The following ARHGEF40 variants were observed in gnomAD, a reference collection of about 807,000 sequenced individuals.
The protein encoded by ARHGEF40 is Rho guanine nucleotide exchange factor 40.
Under a neutral mutation model 165.9 loss-of-function variants are expected in ARHGEF40, and 98 were observed. The ratio of observed to expected loss-of-function variants is 0.59; its 90% confidence interval spans 0.50 to 0.70. The LOEUF (loss-of-function observed/expected upper bound fraction) is 0.70, where lower values mean the gene tolerates loss of function less well. ARHGEF40 is among the 30% of genes least tolerant of loss of function. ARHGEF40 has a pLI of 0.00. For missense variants in ARHGEF40, 1,815 were observed against 1,968.0 expected, an observed-to-expected ratio of 0.92 and a Z score of 1.47; for synonymous variants, 792 against 814.3, an observed-to-expected ratio of 0.97 and a Z score of 0.47.
chr14:21,067,235 C>T (rs976311749), upstream of ARHGEF40, among the ~76,000 whole-genome samples: 7 of 151,868 alleles, frequency 4.6e-5, no homozygotes, highest in African/African-American at 1.2e-4. Context: ...GAAATGTCTT[C>T]GGAATTATTT....
Position 21,088,821 on chromosome 14 carries a change from T to C in ARHGEF40, c.4519-9T>C. On this transcript the variant is annotated splice_polypyrimidine_tract_variant and intron_variant, in intron 22 of 23. Transcript: ENST00000298694. The stretch of plus-strand genomic sequence containing the variant: ...GTCCCTAAATTCACTGTAGCTTCTC[T>C]CCCCCCAGAGTCATGCTCGAGCCCT... The C allele has an allele frequency of 1.9e-6, 3 of 1,605,024 alleles. No homozygotes were observed. The highest frequency in any genetic ancestry group is 1.7e-6 in the Non-Finnish European group (2 of 1,174,518).
chr14:21,088,772 AAGAG>A (rs1352356917), intron 22 of ARHGEF40, 54 bp from the exon 23 acceptor site: 23 of 1,550,100 alleles, frequency 1.5e-5, no homozygotes, highest in African/African-American at 2.8e-5. Context: ...AATGGAGGAA[AAGAG>A]AGAGAAAGAC....
chr14:21,084,641 C>T, intron 17 of ARHGEF40, 112 bp from the exon 18 acceptor site: 1 of 1,218,444 alleles, frequency 8.2e-7, no homozygotes, highest in Non-Finnish European at 1.1e-6. Flanking sequence ...CTTCCTGACT[C>T]TACCTGAGAA....
Position 21,088,804 on chromosome 14 carries a change from A to T in ARHGEF40, c.4519-26A>T, listed in dbSNP as rs201303935. The T allele has an allele frequency of 6.2e-7, 1 of 1,603,078 alleles. No homozygotes were observed. Among genetic ancestry groups the T allele is most frequent in the Non-Finnish European group, 8.5e-7 (1 of 1,172,976 alleles). ...AGAAAGACAAGAAATATGTCCCTAA[A>T]TTCACTGTAGCTTCTCTCCCCCCAG... On this transcript the variant is annotated intron_variant, in intron 22 of 23. Coordinates refer to ENST00000298694, the MANE Select transcript of ARHGEF40 (RefSeq NM_018071.5).
chr14:21,070,296 C>T, upstream of ARHGEF40: 1 of 1,316,336 alleles, frequency 7.6e-7, no homozygotes, highest in South Asian at 1.7e-5. This position sits in a 1 kb window ranked among gnomAD's most constrained non-coding sequence, Gnocchi z 4.7. Flanking sequence ...CGGAGCTGTC[C>T]CTTAGCCAGA....
rs1887018994 is a variant in ARHGEF40 at position 21,072,374 on chromosome 14, G to GT, written c.4-670dup. 6.6e-6 allele frequency among the ~76,000 whole-genome samples: 1 copy of GT among 152,112 alleles called. No homozygotes were observed. Among genetic ancestry groups the GT allele is most frequent in the Non-Finnish European group, 1.5e-5 (1 of 68,028 alleles). The stretch of plus-strand genomic sequence containing the variant: ...TTCAACTGCCCCCACCCGATTCTTT[G>GT]TAATCCAATCCCACATGCTCTAAGA... On this transcript the variant is annotated intron_variant, in intron 1 of 23. Coordinates refer to ENST00000298694, the MANE Select transcript of ARHGEF40 (RefSeq NM_018071.5). This position sits in a 1 kb window ranked among gnomAD's most constrained non-coding sequence, Gnocchi z 4.1.
At chr14:21,080,336 A>G (rs1490531986) in intron 11 of ARHGEF40, among the ~76,000 whole-genome samples, 1 of 151,534 alleles carries the variant, frequency 6.6e-6, no homozygotes, top group Non-Finnish European at 1.5e-5. Flanking sequence ...AGTCATCCCT[A>G]TGACCCTCAT....
At position 21,086,274 on chromosome 14, in the gene ARHGEF40, G is replaced by A. The variant is rs537540700; in HGVS notation, c.4138+408G>A. The A allele has an allele frequency of 7.6e-5, 14 of 183,348 alleles. 1 individual carries two copies. The South Asian group carries it at 1.3e-3, about 17-fold the overall frequency. The allele number at this position is 183,348 out of a possible 1,614,324, so 11.4% of individuals were successfully genotyped here. On this transcript the variant is annotated intron_variant, in intron 19 of 23. Transcript: ENST00000298694. ...CACCTATAGTCCTAGCTATTTGAGG[G>A]GTGAGGTAGGAGGATCGCTTGAGCC...
In ARHGEF40 at chr14:21,074,333, G is replaced by C; in HGVS notation, c.603G>C (p.Leu201=). ...GLMVGHQPST[L]PPELPSGPPG... ...TGGTTGGACATCAGCCAAGTACACTGCCCCCAGAACTGCCCTCTGGACCTC... is the reference window on the plus strand; with the variant it reads ...TGGTTGGACATCAGCCAAGTACACTCCCCCCAGAACTGCCCTCTGGACCTC... The change falls in exon 3 of 24, where the codon CTG becomes CTC. Residue 201 remains leucine, a synonymous_variant. Transcript: ENST00000298694. The surrounding 1 kb of genome is among the most constrained non-coding windows in gnomAD (Gnocchi z 4.8). 5.6e-6 allele frequency: 9 copies of C among 1,614,144 alleles called. No homozygotes were observed. The highest frequency in any genetic ancestry group is 7.6e-6 in the Non-Finnish European group (9 of 1,180,018).
rs776679594 is a variant in ARHGEF40 at position 21,078,380 on chromosome 14, T to C, written c.2138T>C (p.Val713Ala). The C allele has an allele frequency of 6.2e-7, 1 of 1,604,396 alleles. No homozygotes were observed. Among genetic ancestry groups the C allele is most frequent in the South Asian group, 1.1e-5 (1 of 89,632 alleles). ...GAAEPEEEEA[V>A]GMPKPLQKVL... ...ACTCCTCCCTATCCCCAGGAGGCAG[T>C]GGGAATGCCCAAGCCACTGCAGAAG... The change falls in exon 10 of 24, where the codon GTG becomes GCG. Residue 713 changes from valine (V) to alanine (A), a missense_variant. By Grantham distance (64) the Val-to-Ala change is moderately conservative. Transcript: ENST00000298694.
chr14:21,074,780 G>A lies in ARHGEF40; in HGVS notation c.1050G>A (p.Leu350=). The A allele has an allele frequency of 6.2e-7, 1 of 1,609,304 alleles. No individual in the cohort carries two copies. The highest frequency in any genetic ancestry group is 8.5e-7 in the Non-Finnish European group (1 of 1,178,216). The change falls in exon 3 of 24, where the codon CTG becomes CTA. Residue 350 remains leucine, a synonymous_variant. Coordinates refer to ENST00000298694, the MANE Select transcript of ARHGEF40 (RefSeq NM_018071.5). This position sits in a 1 kb window ranked among gnomAD's most constrained non-coding sequence, Gnocchi z 4.8. ...GAGAAGCCTCCGGATCTTGCCCCCT[G>A]AGGCCAGGGGAGCTTAGAGGAGGAG... is the stretch of plus-strand genomic sequence containing the variant. ...AVGEASGSCP[L]RPGELRGGGG...
rs978249024 is a variant in ARHGEF40 at position 21,070,830 on chromosome 14, G to T, written c.3+431G>T. ...CCCCTCGGGTCATGAGAACTGACCT[G>T]CATGGAACCACCATTTTCCATCCCT... On this transcript the variant is annotated intron_variant, in intron 1 of 23. Transcript: ENST00000298694. This position sits in a 1 kb window ranked among gnomAD's most constrained non-coding sequence, Gnocchi z 4.7. 2.6e-6 allele frequency: 4 copies of T among 1,535,554 alleles called. No individual in the cohort carries two copies. The African/African-American group carries it at 5.5e-5, about 21-fold the overall frequency.
chr14:21,070,363 C>T lies in ARHGEF40; in HGVS notation c.-34C>T. The T allele has an allele frequency of 1.4e-6, 2 of 1,407,410 alleles. No individual in the cohort carries two copies. The highest frequency in any genetic ancestry group is 1.8e-6 in the Non-Finnish European group (2 of 1,087,942). The allele number at this position is 1,407,410 out of a possible 1,614,324, so 87.2% of individuals were successfully genotyped here. ...GGTGGCGCGCCCGGCCCCGCCCGCC[C>T]GACCAAGCGTCGGACGCGGCCCGGC... On this transcript the variant is annotated 5_prime_UTR_variant, in exon 1 of 24. Transcript: ENST00000298694. This position sits in a 1 kb window ranked among gnomAD's most constrained non-coding sequence, Gnocchi z 4.7.
rs114151912 is a variant in ARHGEF40, at chr14:21,088,039, C to G, written c.4459C>G (p.His1487Asp). ...PRNSPSLQPP[H>D]PGSSTPTLAS... ...AAACAGCCCCAGCCTGCAACCCCCC[C>G]ACCCTGGGAGCAGCACTCCCACCCT... Residue 1487 changes from histidine (H) to aspartate (D), a missense_variant, in exon 22 of 24, where the codon CAC (histidine) becomes GAC (aspartate). Transcript: ENST00000298694. The G allele has an allele frequency of 1.9e-5, 30 of 1,614,078 alleles. No individual in the cohort carries two copies. The highest frequency in any genetic ancestry group is 1.6e-4 in the Middle Eastern group (1 of 6,062).
At chr14:21,071,192 C>T (rs1458218988) in intron 1 of ARHGEF40, among the ~76,000 whole-genome samples, 1 of 152,168 alleles carries the variant, frequency 6.6e-6, no homozygotes, top group African/African-American at 2.4e-5. Flanking sequence ...CAACTTGGGG[C>T]GCTGGACGCT....
In ARHGEF40 at chr14:21,078,413, C is replaced by T; in HGVS notation, c.2171C>T (p.Ala724Val). The change falls in exon 10 of 24, where the codon GCA becomes GTA. Residue 724 changes from alanine to valine, a missense_variant. Coordinates refer to ENST00000298694, the MANE Select transcript of ARHGEF40 (RefSeq NM_018071.5). ...CCCAAGCCACTGCAGAAGGTGCTGG[C>T]AGATCCCCGGCTGACGGCACTGCAG... ...GMPKPLQKVL[A>V]DPRLTALQRD... The T allele has an allele frequency of 6.2e-7, 1 of 1,611,374 alleles. No homozygotes were observed. The highest frequency in any genetic ancestry group is 8.5e-7 in the Non-Finnish European group (1 of 1,178,318).
chr14:21,066,585 C>T (rs913831533), upstream of ARHGEF40, among the ~76,000 whole-genome samples: 11 of 152,182 alleles, frequency 7.2e-5, no homozygotes, highest in African/African-American at 2.4e-4. Context: ...CCACCTGCCT[C>T]GGTCTCCCAA....
rs533488797 is a variant in ARHGEF40 at position 21,073,755 on chromosome 14, G to A, written c.202-177G>A. ...CTTCCTACTACTGGGAGACCGATCA[G>A]TCCCAATCCCTTCCTCTCTGCCACC... On this transcript the variant is annotated intron_variant, in intron 2 of 23. Transcript: ENST00000298694. This position sits in a 1 kb window ranked among gnomAD's most constrained non-coding sequence, Gnocchi z 4.6. Among the ~76,000 whole-genome samples the A allele has an allele frequency of 9.1e-4, 138 of 152,296 alleles. No homozygotes were observed. Among genetic ancestry groups the A allele is most frequent in the Middle Eastern group, 3.4e-3 (1 of 294 alleles).
chr14:21,070,274 C>A (rs1886592035), upstream of ARHGEF40: 5 of 1,074,276 alleles, frequency 4.7e-6, no homozygotes, highest in Admixed American at 4.5e-5. This position sits in a 1 kb window ranked among gnomAD's most constrained non-coding sequence, Gnocchi z 4.7. Context: ...CGGGCCGAGC[C>A]GCCACCGCGG....
Sources: allele counts gnomAD v4.1 joint callset (sites outside exome capture counted in the v4.1 genomes callset), GRCh38; gene constraint gnomAD v4.1.1; non-coding constraint Gnocchi (gnomAD v3.1); transcripts MANE v1.5; gene names NCBI Gene and HGNC (gene_info 2026-07-23, HGNC 2026-07-21).